CPO: variants seen among roughly 807,000 people sequenced by gnomAD.
CPO encodes the protein carboxypeptidase O.
In CPO, 43 loss-of-function variants were observed where a neutral mutation model predicts 41.2. The observed-to-expected ratio is 1.04, with a 90% CI of 0.82 to 1.35. The LOEUF (loss-of-function observed/expected upper bound fraction) is 1.35. CPO is among the 40% of genes most tolerant of loss of function. The probability of loss-of-function intolerance (pLI) is 0.00; values close to 1 mark genes in which losing one functional copy is unlikely to be tolerated. For synonymous variants in CPO, 178 were observed against 162.7 expected (o/e 1.09, Z -0.72); for missense variants, 408 against 451.7 (o/e 0.90, Z 0.88).
rs1333306366 is a variant in CPO, at chr2:206,939,657, G to A, written c.58G>A (p.Gly20Arg). 1 of 1,610,426 alleles carries A rather than the reference G, an allele frequency of 6.2e-7. No homozygotes were observed. Among genetic ancestry groups the A allele is most frequent in the South Asian group, 1.1e-5 (1 of 90,966 alleles). ...LLGMLVPGGLGYDRSLAQHRQ... is the reference protein window; with the variant it reads ...LLGMLVPGGLRYDRSLAQHRQ... The stretch of plus-strand genomic sequence containing the variant: ...GGGGATGCTGGTTCCTGGAGGGCTG[G>A]GATATGATAGGTGAGTGTAAAGTGG... Residue 20 changes from glycine (G) to arginine (R), a missense_variant, in exon 1 of 9, where the codon GGA becomes AGA. Physicochemically the swap from Gly to Arg is moderately radical, Grantham distance 125. Coordinates refer to ENST00000272852, the MANE Select transcript of CPO (RefSeq NM_173077.3).
At chr2:206,951,634 A>G (rs2105822588) in intron 2 of CPO, among the ~76,000 whole-genome samples, 1 of 152,352 alleles carries the variant, frequency 6.6e-6, no homozygotes, top group South Asian at 2.1e-4. Context: ...AAGGTCCAGT[A>G]TGGCCCATGG....
chr2:206,953,733 CT>C (rs1348295634), intron 2 of CPO, among the ~76,000 whole-genome samples: 2 of 152,370 alleles, frequency 1.3e-5, no homozygotes, highest in East Asian at 3.9e-4. Flanking sequence ...CCCACATTTC[CT>C]TTCTGAACTG....
chr2:206,958,008 T>C (rs1355388673), intron 3 of CPO, among the ~76,000 whole-genome samples: 2 of 152,224 alleles, frequency 1.3e-5, no homozygotes, highest in East Asian at 3.8e-4. Flanking sequence ...TATGCCTTTA[T>C]CTATAGTTAG....
At chr2:206,957,408 A>C (rs1188582440) in intron 3 of CPO, among the ~76,000 whole-genome samples, 2 of 151,810 alleles carry the variant, frequency 1.3e-5, no homozygotes, top group Non-Finnish European at 1.5e-5. Flanking sequence ...TTAAGGTAAG[A>C]GGTGGATTAG....
intron 2 of CPO, among the ~76,000 whole-genome samples, chr2:206,953,427 G>T (rs1693302474): frequency 6.6e-6 from 1 of 152,256 alleles, no homozygotes; most frequent in Non-Finnish European, 1.5e-5. Flanking sequence ...CAATAGAGCA[G>T]TAATTAAATC....
At chr2:206,950,095 C>A (rs1338054014) in intron 2 of CPO, among the ~76,000 whole-genome samples, 3 of 152,130 alleles carry the variant, frequency 2.0e-5, no homozygotes, top group Non-Finnish European at 4.4e-5. Flanking sequence ...CTGATTGAAT[C>A]ATATTTAGCT....
Position 206,966,397 on chromosome 2 carries a change from T to C in CPO, c.778-1866T>C, listed in dbSNP as rs1693577277. On this transcript the variant is annotated intron_variant, in intron 7 of 8. Transcript: ENST00000272852. ...AAAATAATTAAAAGCAATTCGTATC[T>C]CTGCTAGAGACTCTTAAAGAACTTC... is the stretch of plus-strand genomic sequence containing the variant. Among the ~76,000 whole-genome samples, 3 of 152,170 alleles carry C rather than the reference T, an allele frequency of 2.0e-5. No individual in the cohort carries two copies. The South Asian group carries it at 6.2e-4, about 32-fold the overall frequency.
At chr2:206,958,234 T>TA in intron 3 of CPO, 67 bp from the exon 4 acceptor site, 1 of 829,704 alleles carries the variant, frequency 1.2e-6, no homozygotes, top group East Asian at 2.8e-5. Flanking sequence ...AAAAATCTCA[T>TA]AACTTTGCAC....
At chr2:206,968,752 C>A (rs1279590118) in intron 8 of CPO, among the ~76,000 whole-genome samples, 1 of 152,170 alleles carries the variant, frequency 6.6e-6, no homozygotes, top group Non-Finnish European at 1.5e-5. Flanking sequence ...GAAAGGAGAG[C>A]GCTCTGTTTC....
At chr2:206,948,528 C>T (rs1484774880) in intron 1 of CPO, among the ~76,000 whole-genome samples, 2 of 152,152 alleles carry the variant, frequency 1.3e-5, no homozygotes, top group African/African-American at 4.8e-5. Flanking sequence ...CTTTAGGAGG[C>T]TGAGGCAGGA....
chr2:206,967,331 C>CTATATATATATATATATATA (rs200615925), intron 7 of CPO, among the ~76,000 whole-genome samples: 5 of 118,518 alleles, frequency 4.2e-5, no homozygotes, highest in African/African-American at 1.7e-4. Context: ...CTCTGAAATG[C>CTATATATATATATATATATA]TATATATATA....
rs1485448505 is a variant in CPO, at chr2:206,962,537, A to G, written c.700A>G (p.Thr234Ala). The change falls in exon 7 of 9, where the codon ACC (threonine) becomes GCC (alanine). Residue 234 changes from threonine to alanine, a missense_variant. Transcript: ENST00000272852. ...GAAGGATGATATTTTGTGCTTCCTG[A>G]CCATGCACTCTTATGGGCAGTTAAT... ...SKKDDILCFLTMHSYGQLILT... is the reference protein window; with the variant it reads ...SKKDDILCFLAMHSYGQLILT... The G allele has an allele frequency of 2.5e-6, 4 of 1,614,004 alleles. No individual in the cohort carries two copies. The highest frequency in any genetic ancestry group is 1.6e-4 in the Middle Eastern group (1 of 6,084).
At chr2:206,961,085 T>G (rs1481168468) in intron 6 of CPO, 143 bp downstream of exon 6, 1 of 645,882 alleles carries the variant, frequency 1.5e-6, no homozygotes, top group East Asian at 2.7e-5. Flanking sequence ...TTATTCCCTC[T>G]AACAGGATAA....
At chr2:206,947,319 C>T (rs1200889338) in intron 1 of CPO, among the ~76,000 whole-genome samples, 2 of 152,090 alleles carry the variant, frequency 1.3e-5, no homozygotes, top group Non-Finnish European at 2.9e-5. Context: ...GTCTTTTCAG[C>T]AAATAGTGCT....
intron 3 of CPO, among the ~76,000 whole-genome samples, chr2:206,955,925 T>C: frequency 6.6e-6 from 1 of 152,192 alleles, no homozygotes; most frequent in Admixed American, 6.5e-5. Context: ...AATTTTAAAA[T>C]GTTCTTTTTT....
At chr2:206,956,350 A>G (rs1234854248) in intron 3 of CPO, among the ~76,000 whole-genome samples, 1 of 152,192 alleles carries the variant, frequency 6.6e-6, no homozygotes, top group Non-Finnish European at 1.5e-5. Flanking sequence ...ATGTGTAACC[A>G]GAGTTGACAA....
intron 1 of CPO, among the ~76,000 whole-genome samples, chr2:206,944,376 A>G (rs1307294035): frequency 6.6e-6 from 1 of 152,020 alleles, no homozygotes; most frequent in Non-Finnish European, 1.5e-5. Context: ...AAGCAGCCTC[A>G]ACATATTACT....
At chr2:206,950,751 A>G (rs1693245636) in intron 2 of CPO, among the ~76,000 whole-genome samples, 1 of 152,210 alleles carries the variant, frequency 6.6e-6, no homozygotes, top group Non-Finnish European at 1.5e-5. Flanking sequence ...AGCCATAAAA[A>G]AGGATGAGTT....
chr2:206,955,448 C>G lies in CPO; in HGVS notation c.166-15C>G. ...TCTTCCTACTGATAGCCACAGTCCTCCCTTGCTGTTTCAGATCTATGAGTG... is the reference window on the plus strand; with the variant it reads ...TCTTCCTACTGATAGCCACAGTCCTGCCTTGCTGTTTCAGATCTATGAGTG... On this transcript the variant is annotated splice_polypyrimidine_tract_variant and intron_variant, in intron 2 of 8. Coordinates refer to ENST00000272852, the MANE Select transcript of CPO (RefSeq NM_173077.3). 1 of 1,483,390 alleles carries G rather than the reference C, an allele frequency of 6.7e-7. No individual in the cohort carries two copies. The highest frequency in any genetic ancestry group is 9.4e-7 in the Non-Finnish European group (1 of 1,060,644). 91.9% of individuals were successfully genotyped at this position (1,483,390 alleles called of 1,614,324 possible).
Sources: allele counts gnomAD v4.1 joint callset (sites outside exome capture counted in the v4.1 genomes callset), GRCh38; gene constraint gnomAD v4.1.1; transcripts MANE v1.5; gene names NCBI Gene and HGNC (gene_info 2026-07-23, HGNC 2026-07-21).